The following VWA5B1 variants were observed in gnomAD, a reference collection of about 807,000 sequenced individuals.
VWA5B1 encodes von Willebrand factor A domain containing 5B1.
VWA5B1 carries 115 observed loss-of-function variants against 118.2 expected under a neutral mutation model. The ratio of observed to expected loss-of-function variants is 0.97; its 90% confidence interval spans 0.84 to 1.14. The LOEUF is 1.14. Among genes scored for constraint, VWA5B1 ranks in the 50% most tolerant of loss-of-function variants. The pLI, the probability that VWA5B1 is intolerant of heterozygous loss-of-function variation, is 0.00. For missense variants in VWA5B1, 1,596 were observed against 1,603.8 expected (o/e 1.00, Z 0.08); for synonymous variants, 682 against 658.4 (o/e 1.04, Z -0.55).
Position 20,359,281 on chromosome 1 carries a change from A to G in VWA5B1, c.*5018A>G, listed in dbSNP as rs2101047551. The stretch of plus-strand genomic sequence containing the variant: ...CCCGTGCCCTTGCCTGCTCATCTGT[A>G]ATGTCCCCATAGTGCCTATGACACT... On this transcript the variant is annotated 3_prime_UTR_variant, in exon 22 of 22. Transcript: ENST00000289815. 6.6e-6 allele frequency among the ~76,000 whole-genome samples: 1 copy of G among 152,168 alleles called. No individual in the cohort carries two copies. Among genetic ancestry groups the G allele is most frequent in the South Asian group, 2.1e-4 (1 of 4,824 alleles).
Position 20,332,785 on chromosome 1 carries a change from A to C in VWA5B1, c.1592A>C (p.Lys531Thr). 6.4e-7 allele frequency: 1 copy of C among 1,551,720 alleles called. No individual in the cohort carries two copies. The highest frequency in any genetic ancestry group is 8.7e-7 in the Non-Finnish European group (1 of 1,146,970). Residue 531 changes from lysine to threonine, a missense_variant, in exon 12 of 22, where the codon AAG becomes ACG. By Grantham distance (78) the Lys-to-Thr change is moderately conservative. Transcript: ENST00000289815. The part of the protein sequence containing the change: ...LQPKMVKSLK[K>T]AMAPVLSDVT... ...CTACAGATGGTCAAATCCTTGAAGA[A>C]GGCCATGGCCCCAGTCCTGAGCGAT...
chr1:20,326,963 C>G (rs2089404902), intron 8 of VWA5B1, among the ~76,000 whole-genome samples: 1 of 152,168 alleles, frequency 6.6e-6, no homozygotes, highest in Admixed American at 6.5e-5. Context: ...ACATTTAGCA[C>G]ATAGTAATTG....
At chr1:20,344,096 G>C (rs1356483148) in intron 16 of VWA5B1, among the ~76,000 whole-genome samples, 3 of 149,574 alleles carry the variant, frequency 2.0e-5, no homozygotes, top group African/African-American at 7.4e-5. Flanking sequence ...GCATAGCCCA[G>C]GGCTCCATTC....
chr1:20,314,315 C>G lies in VWA5B1; in HGVS notation c.293-7C>G. On this transcript the variant is annotated splice_region_variant and splice_polypyrimidine_tract_variant and intron_variant, in intron 3 of 21. Transcript: ENST00000289815. ...TGTACAGCCCCTGACGCCAGCCTGG[C>G]ACTTAGGGAACATTCTGCAAGACGG... The G allele has an allele frequency of 6.4e-7, 1 of 1,551,558 alleles. No individual in the cohort carries two copies. Among genetic ancestry groups the G allele is most frequent in the South Asian group, 1.2e-5 (1 of 84,032 alleles).
At chr1:20,309,907 CTGTGTGTG>C (rs59044353) in intron 1 of VWA5B1, among the ~76,000 whole-genome samples, 6,032 of 85,430 alleles carry the variant, frequency 0.071, 250 homozygotes, top group Non-Finnish European at 0.079. Flanking sequence ...GATGGATTGG[CTGTGTGTG>C]TGTGTGTGTG....
At chr1:20,319,652 C>G in intron 7 of VWA5B1, 146 bp downstream of exon 7, 1 of 1,254,774 alleles carries the variant, frequency 8.0e-7, no homozygotes, top group Non-Finnish European at 1.1e-6. Flanking sequence ...GAAGTGTTTC[C>G]TTCTGTGGGC....
intron 1 of VWA5B1, among the ~76,000 whole-genome samples, chr1:20,298,753 G>T (rs1222718921): frequency 1.3e-5 from 2 of 152,108 alleles, no homozygotes; most frequent in African/African-American, 2.4e-5. Flanking sequence ...TGGCTGACGA[G>T]GGGGACTCTG....
Position 20,298,562 on chromosome 1 carries a change from G to A in VWA5B1, c.-27+7474G>A, listed in dbSNP as rs567527696. On this transcript the variant is annotated intron_variant, in intron 1 of 21. Transcript: ENST00000289815. Reference sequence around the variant, plus strand: ...CCAGGCACTGTGCCTGGCGCTTTATGCACAGTTCTCTTTCTCATCATCATG... The same window carrying A: ...CCAGGCACTGTGCCTGGCGCTTTATACACAGTTCTCTTTCTCATCATCATG... 9.9e-5 allele frequency among the ~76,000 whole-genome samples: 15 copies of A among 152,124 alleles called. No homozygotes were observed. The East Asian group carries it at 2.5e-3, about 26-fold the overall frequency.
chr1:20,318,022 C>T (rs571207860), intron 5 of VWA5B1, among the ~76,000 whole-genome samples: 3 of 149,004 alleles, frequency 2.0e-5, no homozygotes, highest in African/African-American at 7.5e-5. Flanking sequence ...GACACCCAAA[C>T]ATCCTGCATC....
chr1:20,345,770 C>A (rs2089995289), intron 17 of VWA5B1, among the ~76,000 whole-genome samples, 177 bp downstream of exon 17: 1 of 152,232 alleles, frequency 6.6e-6, no homozygotes, highest in African/African-American at 2.4e-5. Context: ...GCCCCTGGGG[C>A]CTCATCCCAC....
rs1438225057 is a variant in VWA5B1 at position 20,350,886 on chromosome 1, C to G, written c.2983C>G (p.Leu995Val). Residue 995 changes from leucine to valine, a missense_variant, in exon 20 of 22, where the codon CTT becomes GTT. Leu to Val is a conservative substitution (Grantham distance 32). Coordinates refer to ENST00000289815, the MANE Select transcript of VWA5B1 (RefSeq NM_001039500.3). The part of the protein sequence containing the change: ...GPQRSLATNT[L>V]SSMKASENLF... ...CCAGCGCAGCCTGGCTACAAATACTCTTTCTTCCATGAAGGCCTCAGAGAA... is the reference window on the plus strand; with the variant it reads ...CCAGCGCAGCCTGGCTACAAATACTGTTTCTTCCATGAAGGCCTCAGAGAA... The G allele has an allele frequency of 1.1e-5, 17 of 1,551,830 alleles. No homozygotes were observed. The highest frequency in any genetic ancestry group is 1.1e-4 in the South Asian group (9 of 84,070).
At chr1:20,324,342 C>A (rs148158370) in intron 8 of VWA5B1, among the ~76,000 whole-genome samples, 5 of 152,122 alleles carry the variant, frequency 3.3e-5, no homozygotes, top group East Asian at 1.9e-4. Context: ...AATCCTCCCC[C>A]CTCACAATCC....
chr1:20,293,195 G>C (rs919725304), intron 1 of VWA5B1, among the ~76,000 whole-genome samples: 1 of 152,194 alleles, frequency 6.6e-6, no homozygotes, highest in African/African-American at 2.4e-5. Context: ...TACTCACCTG[G>C]CAGCCCCTGG....
intron 9 of VWA5B1, 124 bp downstream of exon 9, chr1:20,328,124 A>G: frequency 1.2e-6 from 1 of 858,160 alleles, no homozygotes; most frequent in Non-Finnish European, 1.9e-6. Flanking sequence ...ACCCACAGAG[A>G]ACCCAGATCA....
At chr1:20,321,068 G>A (rs1189852903) in intron 7 of VWA5B1, among the ~76,000 whole-genome samples, 1 of 138,930 alleles carries the variant, frequency 7.2e-6, no homozygotes, top group Non-Finnish European at 1.5e-5. Flanking sequence ...TCACATAGAA[G>A]GGCACACCAC....
intron 7 of VWA5B1, among the ~76,000 whole-genome samples, chr1:20,321,016 G>C (rs1339571451): frequency 2.7e-5 from 4 of 149,558 alleles, no homozygotes; most frequent in African/African-American, 9.9e-5. Context: ...GAGTGGGTGG[G>C]ACAAGCTGTC....
chr1:20,330,287 A>G lies in VWA5B1; in HGVS notation c.1362A>G (p.Arg454=), dbSNP rs1463996527. ...GGGTCATCAGGCAGCCAGTGCACCG[A>G]GGCCACCCGCGGCTCCTCTTCGTGA... ...LKWVIRQPVH[R]GHPRLLFVIT... Residue 454 remains arginine, a synonymous_variant, in exon 10 of 22, where the codon CGA becomes CGG. Transcript: ENST00000289815. 6.4e-7 allele frequency: 1 copy of G among 1,551,780 alleles called. No homozygotes were observed. The highest frequency in any genetic ancestry group is 8.7e-7 in the Non-Finnish European group (1 of 1,147,028).
intron 12 of VWA5B1, 42 bp downstream of exon 12, chr1:20,332,993 AC>A: frequency 6.5e-7 from 1 of 1,539,974 alleles, no homozygotes; most frequent in Non-Finnish European, 8.8e-7. Context: ...TGGGCCCAGA[AC>A]CCATGCCTAC....
chr1:20,341,272 A>G (rs2089868386), intron 14 of VWA5B1, among the ~76,000 whole-genome samples: 1 of 152,272 alleles, frequency 6.6e-6, no homozygotes, highest in African/African-American at 2.4e-5. Context: ...AGTATACAGT[A>G]CTTGCACATC....
Sources: gnomAD v4.1 joint callset for allele counts (sites outside exome capture counted in the v4.1 genomes callset) on GRCh38, gnomAD v4.1.1 for gene constraint, MANE v1.5 for transcripts, NCBI Gene and HGNC (gene_info 2026-07-23, HGNC 2026-07-21) for gene names.